DLG2: variants seen among roughly 807,000 people sequenced by gnomAD.
DLG2 encodes the protein disks large homolog 2.
Under a neutral mutation model 132.5 loss-of-function variants are expected in DLG2, and 45 were observed. The observed-to-expected ratio is 0.34, with a 90% CI of 0.27 to 0.44. DLG2 has a LOEUF of 0.44. Among genes scored for constraint, DLG2 ranks in the 20% least tolerant of loss-of-function variants. The pLI is 1.00. For missense variants in DLG2, 1,045 were observed against 1,196.9 expected (o/e 0.87, Z 1.87); for synonymous variants, 424 against 419.6 (o/e 1.01, Z -0.13).
At chr11:83,799,645 T>C (rs1263788741) in intron 17 of DLG2, among the ~76,000 whole-genome samples, 2 of 152,016 alleles carry the variant, frequency 1.3e-5, no homozygotes, top group African/African-American at 4.8e-5. Context: ...AAATGGGAAA[T>C]GGGGAAGGTG....
chr11:83,916,808 C>T (rs2154116995), intron 15 of DLG2, among the ~76,000 whole-genome samples: 1 of 152,162 alleles, frequency 6.6e-6, no homozygotes, highest in East Asian at 1.9e-4. Flanking sequence ...TAACATGAAA[C>T]ATTATGGTAG....
At chr11:85,216,805 T>G (rs1333968233) in intron 4 of DLG2, among the ~76,000 whole-genome samples, 1 of 151,950 alleles carries the variant, frequency 6.6e-6, no homozygotes, top group African/African-American at 2.4e-5. Context: ...CAAGCAATTC[T>G]CTGCCTCAGC....
chr11:83,466,715 G>A lies in DLG2; in HGVS notation c.2722C>T (p.Pro908Ser). The change falls in exon 26 of 28, where the codon CCT becomes TCT. Residue 908 changes from proline to serine, a missense_variant. Transcript: ENST00000376104. Reference protein sequence around the residue: ...AIFIKPRSLEPLMEMNKRLTE... With the variant: ...AIFIKPRSLESLMEMNKRLTE... ...CCAATGCCCTCTACTCACATAAGAG[G>A]TTCCAGAGACCTGGGTTTTATGAAG... 6.2e-7 allele frequency: 1 copy of A among 1,605,628 alleles called. No individual in the cohort carries two copies. Among genetic ancestry groups the A allele is most frequent in the Non-Finnish European group, 8.5e-7 (1 of 1,172,292 alleles).
chr11:84,325,362 C>T (rs988890397), intron 7 of DLG2, among the ~76,000 whole-genome samples: 3 of 151,314 alleles, frequency 2.0e-5, no homozygotes, highest in Non-Finnish European at 2.9e-5. Context: ...CCTCCCCCAA[C>T]CCCCTCACCC....
At position 85,225,682 on chromosome 11, in the gene DLG2, C is replaced by A. The variant is rs1388778988; in HGVS notation, c.186+59538G>T. On this transcript the variant is annotated intron_variant, in intron 4 of 27. Coordinates refer to ENST00000376104, the MANE Select transcript of DLG2 (RefSeq NM_001142699.3). ...CCTCCTCTTTCCTTTTCTCTTCTCTCTGTTTATTTTTCAACCCAAAGCATT... is the reference window on the plus strand; with the variant it reads ...CCTCCTCTTTCCTTTTCTCTTCTCTATGTTTATTTTTCAACCCAAAGCATT... 4.6e-5 allele frequency among the ~76,000 whole-genome samples: 7 copies of A among 152,022 alleles called. No individual in the cohort carries two copies. The South Asian group carries it at 1.5e-3, about 32-fold the overall frequency.
chr11:84,267,911 C>T (rs1483291325), intron 7 of DLG2, among the ~76,000 whole-genome samples: 2 of 152,206 alleles, frequency 1.3e-5, no homozygotes, highest in Non-Finnish European at 2.9e-5. Flanking sequence ...TTGAGGTTCT[C>T]TTCTGAGGCT....
chr11:84,304,419 A>T (rs1225856962), intron 7 of DLG2, among the ~76,000 whole-genome samples: 1 of 152,362 alleles, frequency 6.6e-6, no homozygotes, highest in East Asian at 1.9e-4. Flanking sequence ...AGATGTGCTT[A>T]ATCCAGACTT....
At chr11:84,392,679 T>C (rs1248651483) in intron 7 of DLG2, among the ~76,000 whole-genome samples, 2 of 152,206 alleles carry the variant, frequency 1.3e-5, no homozygotes, top group African/African-American at 4.8e-5. Context: ...GATTCTATTA[T>C]TGTTCTCATT....
At chr11:85,066,903 T>G (rs1380842716) in intron 6 of DLG2, among the ~76,000 whole-genome samples, 2 of 151,790 alleles carry the variant, frequency 1.3e-5, no homozygotes, top group South Asian at 4.1e-4. Flanking sequence ...CCACTTCTAT[T>G]TAACACAGTA....
chr11:85,324,796 G>T (rs368579368), intron 3 of DLG2, among the ~76,000 whole-genome samples: 2 of 152,036 alleles, frequency 1.3e-5, no homozygotes, highest in Non-Finnish European at 2.9e-5. Flanking sequence ...GAACAGCTCC[G>T]GTCTACAGCT....
intron 11 of DLG2, among the ~76,000 whole-genome samples, chr11:83,985,087 A>G (rs920441596): frequency 6.6e-6 from 1 of 152,112 alleles, no homozygotes; most frequent in Admixed American, 6.6e-5. Context: ...TATTCTATGA[A>G]GACAAATGTG....
At chr11:84,566,878 G>A (rs1470709289) in intron 6 of DLG2, among the ~76,000 whole-genome samples, 6 of 152,124 alleles carry the variant, frequency 3.9e-5, no homozygotes, top group Admixed American at 3.9e-4. Context: ...AATGAAGAGG[G>A]TCAGCTTTCC....
chr11:85,137,245 A>G (rs929485011), intron 5 of DLG2, among the ~76,000 whole-genome samples: 12 of 152,174 alleles, frequency 7.9e-5, no homozygotes, highest in Non-Finnish European at 1.6e-4. Flanking sequence ...CATGTTAATA[A>G]TAATAGTAAT....
At chr11:83,757,165 A>T (rs982030559) in intron 18 of DLG2, among the ~76,000 whole-genome samples, 3 of 152,198 alleles carry the variant, frequency 2.0e-5, no homozygotes, top group African/African-American at 7.2e-5. Context: ...CACTATGAAG[A>T]AAAATGAGGC....
chr11:84,455,084 A>G (rs191146867), intron 7 of DLG2, among the ~76,000 whole-genome samples: 22 of 151,516 alleles, frequency 1.5e-4, no homozygotes, highest in African/African-American at 5.3e-4. Context: ...GAAATATAAA[A>G]TAATAAAGAA....
At chr11:84,759,628 T>G (rs1197702335) in intron 6 of DLG2, among the ~76,000 whole-genome samples, 1 of 152,202 alleles carries the variant, frequency 6.6e-6, no homozygotes, top group Non-Finnish European at 1.5e-5. Context: ...ACCACCCTAT[T>G]TTTATGAAAT....
chr11:85,339,243 T>A (rs1389100690), intron 3 of DLG2, among the ~76,000 whole-genome samples: 2 of 152,250 alleles, frequency 1.3e-5, no homozygotes, highest in Non-Finnish European at 2.9e-5. Flanking sequence ...CCATAGCTTA[T>A]GTAGTTGCTC....
At chr11:84,550,115 TACACACACACACACACAC>T (rs60598747) in intron 6 of DLG2, among the ~76,000 whole-genome samples, 1 of 145,840 alleles carries the variant, frequency 6.9e-6, no homozygotes, top group Non-Finnish European at 1.5e-5. Flanking sequence ...AACGAGCCTA[TACACACACACACACACAC>T]ACACACACAC....
chr11:84,863,798 T>C (rs559604665), intron 6 of DLG2, among the ~76,000 whole-genome samples: 1 of 144,868 alleles, frequency 6.9e-6, no homozygotes, highest in African/African-American at 2.9e-5. Flanking sequence ...GAGCATGGGA[T>C]TTGCAGTGCA....
Sources: allele counts gnomAD v4.1 joint callset (sites outside exome capture counted in the v4.1 genomes callset), GRCh38; gene constraint gnomAD v4.1.1; transcripts MANE v1.5; gene names NCBI Gene and HGNC (gene_info 2026-07-23, HGNC 2026-07-21).